The following CNTNAP2 variants were observed in gnomAD, a reference collection of about 807,000 sequenced individuals.
CNTNAP2 encodes contactin associated protein 2.
A neutral mutation model predicts 155.2 loss-of-function variants in CNTNAP2; 98 were observed. The ratio of observed to expected loss-of-function variants is 0.63; its 90% confidence interval spans 0.54 to 0.75. The LOEUF is 0.75. CNTNAP2 is among the 30% of genes least tolerant of loss of function. The pLI is 0.00. For missense variants in CNTNAP2, 1,727 were observed against 1,688.1 expected (o/e 1.02, Z -0.40); for synonymous variants, 651 against 631.2 (o/e 1.03, Z -0.47).
rs1377347729 is a variant in CNTNAP2, at chr7:147,376,960, A to G, written c.1499-18649A>G. On this transcript the variant is annotated intron_variant, in intron 9 of 23. Coordinates refer to ENST00000361727, the MANE Select transcript of CNTNAP2 (RefSeq NM_014141.6). ...GTATTTGCCTTAGTTACCTTTCTCA[A>G]TTCTTTTACTTTCAAATTTTCTTAG... Among the ~76,000 whole-genome samples, 6 of 151,786 alleles carry G rather than the reference A, an allele frequency of 4.0e-5. No homozygotes were observed. In the East Asian group the frequency reaches 7.7e-4, roughly 20 times the overall value.
chr7:148,413,001 T>A (rs987853971), intron 23 of CNTNAP2, among the ~76,000 whole-genome samples: 3 of 152,216 alleles, frequency 2.0e-5, no homozygotes, highest in African/African-American at 7.2e-5. Context: ...CTTTATTTTT[T>A]AATGTTAAAC....
chr7:146,874,416 T>C (rs531171202), intron 3 of CNTNAP2, among the ~76,000 whole-genome samples: 4 of 152,324 alleles, frequency 2.6e-5, no homozygotes, highest in African/African-American at 9.6e-5. Context: ...CTTGGCTCAC[T>C]GTAACCGCTG....
At chr7:148,254,775 C>CAAAAA (rs55711921) in intron 20 of CNTNAP2, among the ~76,000 whole-genome samples, 1 of 120,384 alleles carries the variant, frequency 8.3e-6, no homozygotes, top group African/African-American at 3.2e-5. Context: ...GACTCCATCT[C>CAAAAA]AAAAAAAAAA....
chr7:146,177,490 C>T (rs1044036410), intron 1 of CNTNAP2, among the ~76,000 whole-genome samples: 1 of 152,140 alleles, frequency 6.6e-6, no homozygotes, highest in Non-Finnish European at 1.5e-5. Context: ...GTGTTCAACT[C>T]ATTTGCTCTT....
intron 14 of CNTNAP2, among the ~76,000 whole-genome samples, chr7:147,977,595 G>A (rs935506682): frequency 6.6e-6 from 1 of 152,182 alleles, no homozygotes; most frequent in African/African-American, 2.4e-5. Flanking sequence ...CTACCTAAAA[G>A]AGTACGCAGC....
intron 3 of CNTNAP2, among the ~76,000 whole-genome samples, chr7:147,011,809 T>C (rs1798631293): frequency 6.6e-6 from 1 of 152,196 alleles, no homozygotes; most frequent in Non-Finnish European, 1.5e-5. Context: ...GTCTCTGACC[T>C]TCCTCGTTTG....
intron 11 of CNTNAP2, among the ~76,000 whole-genome samples, chr7:147,534,611 C>T (rs1426028140): frequency 6.6e-6 from 1 of 152,080 alleles, no homozygotes; most frequent in Non-Finnish European, 1.5e-5. Flanking sequence ...GTATGCAAAA[C>T]CCATGAATTT....
At chr7:148,011,316 T>G (rs1375430171) in intron 15 of CNTNAP2, among the ~76,000 whole-genome samples, 2 of 152,200 alleles carry the variant, frequency 1.3e-5, no homozygotes, top group African/African-American at 4.8e-5. Context: ...TGTTTTCAGT[T>G]TGGGCTATTG....
At chr7:148,266,100 T>C (rs12667850) in intron 20 of CNTNAP2, among the ~76,000 whole-genome samples, 35,463 of 152,198 alleles carry the variant, frequency 0.23, 4,295 homozygotes, top group Non-Finnish European at 0.27. Flanking sequence ...CTCTACACAA[T>C]TGACGTGGCC....
At chr7:147,901,123 A>G (rs1239939146) in intron 13 of CNTNAP2, among the ~76,000 whole-genome samples, 1 of 152,156 alleles carries the variant, frequency 6.6e-6, no homozygotes, top group Non-Finnish European at 1.5e-5. Flanking sequence ...CAACAGTCCC[A>G]GCCAGCTATA....
intron 11 of CNTNAP2, among the ~76,000 whole-genome samples, chr7:147,538,916 A>C (rs1202557332): frequency 6.6e-6 from 1 of 152,064 alleles, no homozygotes. Flanking sequence ...TAAGAAAAAA[A>C]TTTTTGAACC....
At chr7:148,168,025 AT>A (rs1430691485) in intron 17 of CNTNAP2, among the ~76,000 whole-genome samples, 1 of 152,218 alleles carries the variant, frequency 6.6e-6, no homozygotes, top group African/African-American at 2.4e-5. Context: ...CCTTTGAAAA[AT>A]ATCTCCATTC....
chr7:146,718,863 T>C (rs568127995), intron 1 of CNTNAP2, among the ~76,000 whole-genome samples: 1 of 152,278 alleles, frequency 6.6e-6, no homozygotes, highest in East Asian at 1.9e-4. Context: ...AGGGCTCCTC[T>C]TCGTGTTCCT....
At chr7:147,057,331 C>G (rs550323609) in intron 4 of CNTNAP2, among the ~76,000 whole-genome samples, 3 of 152,158 alleles carry the variant, frequency 2.0e-5, no homozygotes, top group African/African-American at 7.2e-5. Context: ...TATATCACCT[C>G]ATTTCTTCTA....
At chr7:146,419,131 G>A (rs890712406) in intron 1 of CNTNAP2, among the ~76,000 whole-genome samples, 2 of 152,020 alleles carry the variant, frequency 1.3e-5, no homozygotes, top group East Asian at 1.9e-4. Flanking sequence ...GGTTCCACAT[G>A]GCTAGGAAGG....
At chr7:147,999,839 G>A (rs546992715) in intron 15 of CNTNAP2, among the ~76,000 whole-genome samples, 55 of 152,246 alleles carry the variant, frequency 3.6e-4, no homozygotes, top group Middle Eastern at 3.4e-3. Context: ...AAGGATTGCC[G>A]GCTACTGCCA....
chr7:146,918,781 A>G (rs541820740), intron 3 of CNTNAP2, among the ~76,000 whole-genome samples: 15 of 152,258 alleles, frequency 9.9e-5, no homozygotes, highest in African/African-American at 1.4e-4. Context: ...TGTTTTCCAA[A>G]CTTTTAGATT....
At chr7:148,396,744 A>C (rs912984016) in intron 22 of CNTNAP2, among the ~76,000 whole-genome samples, 2 of 152,248 alleles carry the variant, frequency 1.3e-5, no homozygotes, top group Admixed American at 6.5e-5. Context: ...TGCATAGACT[A>C]TTCAGAAATT....
chr7:147,990,671 G>A (rs933598057), intron 15 of CNTNAP2, among the ~76,000 whole-genome samples: 9 of 149,730 alleles, frequency 6.0e-5, no homozygotes, highest in African/African-American at 2.0e-4. Context: ...GGACTTAGGC[G>A]ATTTTTTTAT....
Sources: allele counts gnomAD v4.1 joint callset (sites outside exome capture counted in the v4.1 genomes callset), GRCh38; gene constraint gnomAD v4.1.1; transcripts MANE v1.5; gene names NCBI Gene and HGNC (gene_info 2026-07-23, HGNC 2026-07-21).